The following RTN4 variants were observed in gnomAD, a reference collection of about 807,000 sequenced individuals.
RTN4 encodes reticulon-4.
A neutral mutation model predicts 90.4 loss-of-function variants in RTN4; 32 were observed. The observed-to-expected ratio is 0.35, with a 90% CI of 0.27 to 0.48. RTN4 has a LOEUF of 0.48. Among genes scored for constraint, RTN4 ranks in the 20% least tolerant of loss-of-function variants. The pLI, the probability that RTN4 is intolerant of heterozygous loss-of-function variation, is 0.99. For missense variants in RTN4, 1,706 were observed against 1,430.2 expected (o/e 1.19, Z -3.11); for synonymous variants, 629 against 552.5 (o/e 1.14, Z -1.94).
intron 3 of RTN4, among the ~76,000 whole-genome samples, chr2:55,009,858 G>A (rs902164496): frequency 9.9e-5 from 15 of 151,510 alleles, no homozygotes; most frequent in African/African-American, 3.2e-4. Context: ...GAACCTAAAC[G>A]GCAGGACTGA....
chr2:55,026,920 T>A lies in RTN4; in HGVS notation c.1179A>T (p.Val393=), dbSNP rs202005074. 3.1e-6 allele frequency: 5 copies of A among 1,613,724 alleles called. No homozygotes were observed. The African/African-American group carries it at 4.0e-5, about 13-fold the overall frequency. ...CTTCCTTACTATCTTTCACTTCCCA[T>A]ACTCGCTCAAATGGTTTGAAGTCTG... ...EYADFKPFER[V]WEVKDSKEDS... is the part of the protein sequence containing the mutation. The change falls in exon 3 of 9, where the codon GTA becomes GTT. Residue 393 remains valine (V), a synonymous_variant. Transcript: ENST00000337526.
chr2:55,094,006 A>G (rs1340665126), intron 1 of RTN4, among the ~76,000 whole-genome samples: 1 of 152,206 alleles, frequency 6.6e-6, no homozygotes, highest in Non-Finnish European at 1.5e-5. Flanking sequence ...TCCTACACTA[A>G]TGTATCTGGG....
chr2:55,119,147 G>C, the RTN4 span, among the ~76,000 whole-genome samples: 1 of 152,206 alleles, frequency 6.6e-6, no homozygotes, highest in African/African-American at 2.4e-5. Flanking sequence ...CACCTGCAGA[G>C]AATCCTTGCG....
At chr2:55,029,864 A>G (rs905394184) in intron 1 of RTN4, among the ~76,000 whole-genome samples, 3 of 152,196 alleles carry the variant, frequency 2.0e-5, no homozygotes, top group African/African-American at 7.2e-5. Flanking sequence ...GTGTACACAT[A>G]TTTAAAAGAT....
At chr2:55,010,173 G>A in intron 3 of RTN4, 1 of 1,610,928 alleles carries the variant, frequency 6.2e-7, no homozygotes, top group Non-Finnish European at 8.5e-7. Flanking sequence ...CATACCAACA[G>A]AAAAGCTGTA....
At chr2:55,121,245 C>G in the RTN4 span, among the ~76,000 whole-genome samples, 2 of 152,178 alleles carry the variant, frequency 1.3e-5, no homozygotes, top group African/African-American at 4.8e-5. Context: ...AGCTCACAGT[C>G]TGGTAAAAAT....
At chr2:55,059,494 C>G (rs1230688211) in intron 2 of RTN4, among the ~76,000 whole-genome samples, 2 of 152,036 alleles carry the variant, frequency 1.3e-5, no homozygotes, top group Non-Finnish European at 2.9e-5. Context: ...GATGGGACTA[C>G]AAGTACGCAC....
chr2:55,133,049 T>A, the RTN4 span, among the ~76,000 whole-genome samples: 21 of 151,700 alleles, frequency 1.4e-4, no homozygotes, highest in Admixed American at 6.6e-4. Flanking sequence ...GTGTCTCTAC[T>A]AAAATACAAA....
chr2:54,975,641 C>T (rs1307693863), intron 5 of RTN4, among the ~76,000 whole-genome samples: 4 of 152,166 alleles, frequency 2.6e-5, no homozygotes, highest in African/African-American at 9.7e-5. Flanking sequence ...AAAAACAGGC[C>T]GTGGCCCAAA....
the RTN4 span, among the ~76,000 whole-genome samples, chr2:55,125,693 G>T: frequency 6.6e-6 from 1 of 152,170 alleles, no homozygotes; most frequent in Non-Finnish European, 1.5e-5. Context: ...TTGAACTCAG[G>T]AGGCGGAGGT....
intron 2 of RTN4, among the ~76,000 whole-genome samples, chr2:55,057,274 A>AT (rs1668206578): frequency 6.6e-6 from 1 of 152,186 alleles, no homozygotes; most frequent in African/African-American, 2.4e-5. Flanking sequence ...ATGTATGCGG[A>AT]TTTTTTGGAG....
chr2:54,991,328 A>T (rs1486081459), intron 3 of RTN4, among the ~76,000 whole-genome samples: 2 of 152,202 alleles, frequency 1.3e-5, no homozygotes, highest in African/African-American at 2.4e-5. Context: ...TCCTAATATT[A>T]TAACAGAGTT....
At chr2:55,066,188 TGTGTTTGTG>T (rs1668387880) in intron 2 of RTN4, among the ~76,000 whole-genome samples, 5 of 63,136 alleles carry the variant, frequency 7.9e-5, no homozygotes, top group East Asian at 1.0e-3. Context: ...TGTGTGTGTG[TGTGTTTGTG>T]TGTGTGTGTG....
In RTN4 at chr2:54,973,811, A is replaced by G; in HGVS notation, c.3477+10T>C. On this transcript the variant is annotated intron_variant, in intron 7 of 8. Transcript: ENST00000337526. ...TCTATTCTGAAGTCAGCAGTTAGTT[A>G]GGAAATTACCTGATGCCGTTCATAA... is the stretch of plus-strand genomic sequence containing the variant. The G allele has an allele frequency of 6.2e-7, 1 of 1,612,236 alleles. No individual in the cohort carries two copies. Among genetic ancestry groups the G allele is most frequent in the Non-Finnish European group, 8.5e-7 (1 of 1,178,730 alleles).
chr2:55,050,920 G>C (rs931238082), upstream of RTN4: 1 of 152,218 alleles, frequency 6.6e-6, no homozygotes, highest in Non-Finnish European at 1.5e-5. This position sits in a 1 kb window ranked among gnomAD's most constrained non-coding sequence, Gnocchi z 4.6. Flanking sequence ...TATCCTGGGG[G>C]AACTGAGAGT....
At chr2:55,089,811 TC>T (rs1296692739) in intron 1 of RTN4, among the ~76,000 whole-genome samples, 4 of 152,152 alleles carry the variant, frequency 2.6e-5, no homozygotes, top group African/African-American at 9.7e-5. Context: ...GAGGTCTTAT[TC>T]CTCTCCTTGT....
intron 1 of RTN4, among the ~76,000 whole-genome samples, chr2:55,039,010 CCATT>C (rs1682881420): frequency 6.6e-6 from 1 of 152,158 alleles, no homozygotes; most frequent in African/African-American, 2.4e-5. Flanking sequence ...ATGTATGATT[CCATT>C]CATATGATTG....
intron 3 of RTN4, among the ~76,000 whole-genome samples, chr2:55,005,140 A>G (rs938626692): frequency 6.6e-6 from 1 of 152,230 alleles, no homozygotes; most frequent in African/African-American, 2.4e-5. Context: ...ATGCCTTTCA[A>G]ACATCCAGGA....
At chr2:55,008,883 A>G (rs1395896567) in intron 3 of RTN4, among the ~76,000 whole-genome samples, 1 of 152,162 alleles carries the variant, frequency 6.6e-6, no homozygotes, top group Admixed American at 6.5e-5. Flanking sequence ...CCATATATCA[A>G]TTCATCAATC....
Sources: gnomAD v4.1 joint callset for allele counts (sites outside exome capture counted in the v4.1 genomes callset) on GRCh38, gnomAD v4.1.1 for gene constraint, Gnocchi (gnomAD v3.1) non-coding constraint, MANE v1.5 for transcripts, NCBI Gene and HGNC (gene_info 2026-07-23, HGNC 2026-07-21) for gene names.